The following C4orf36 variants were observed in gnomAD, a reference collection of about 807,000 sequenced individuals.
C4orf36 encodes uncharacterized protein C4orf36.
C4orf36 carries 11 observed loss-of-function variants against 12.2 expected under a neutral mutation model. The observed-to-expected ratio is 0.90, with a 90% CI of 0.57 to 1.49. The LOEUF is 1.49. C4orf36 is among the 40% of genes most tolerant of loss of function. The probability of loss-of-function intolerance (pLI) is 0.00; values close to 1 mark genes in which losing one functional copy is unlikely to be tolerated. For synonymous variants in C4orf36, 54 were observed against 51.3 expected, an observed-to-expected ratio of 1.05 and a Z score of -0.22; for missense variants, 137 against 133.9, an observed-to-expected ratio of 1.02 and a Z score of -0.11.
intron 4 of C4orf36, among the ~76,000 whole-genome samples, chr4:86,883,755 C>T (rs151185659): frequency 9.7e-4 from 148 of 152,210 alleles, no homozygotes; most frequent in African/African-American, 1.4e-3. Flanking sequence ...CAGCCAGGCG[C>T]GGTGGCTCAC....
At chr4:86,929,744 T>C in the C4orf36 span, among the ~76,000 whole-genome samples, 2 of 152,154 alleles carry the variant, frequency 1.3e-5, no homozygotes, top group Non-Finnish European at 2.9e-5. Context: ...ACAGTAGCTA[T>C]TTAATACAAG....
chr4:86,892,717 G>C (rs908880176), upstream of C4orf36, among the ~76,000 whole-genome samples: 7 of 152,240 alleles, frequency 4.6e-5, no homozygotes, highest in African/African-American at 1.7e-4. Flanking sequence ...GACATCTGGG[G>C]AACCGAAGCC....
the C4orf36 span, among the ~76,000 whole-genome samples, chr4:86,908,984 C>T: frequency 6.6e-6 from 1 of 152,188 alleles, no homozygotes; most frequent in East Asian, 1.9e-4. Flanking sequence ...GAGCAGACAG[C>T]AAGGACATAT....
chr4:86,892,431 T>C (rs2149425014), upstream of C4orf36: 1 of 985,304 alleles, frequency 1.0e-6, no homozygotes. Context: ...CTGGGGCTCC[T>C]CGCGTCACAC....
the C4orf36 span, among the ~76,000 whole-genome samples, chr4:86,903,724 A>G: frequency 6.6e-6 from 1 of 152,180 alleles, no homozygotes; most frequent in African/African-American, 2.4e-5. Context: ...GACCCTACCC[A>G]CATCCTGCTG....
chr4:86,917,554 GA>G, the C4orf36 span, among the ~76,000 whole-genome samples: 3 of 109,666 alleles, frequency 2.7e-5, no homozygotes, highest in African/African-American at 8.0e-5. Flanking sequence ...AGTAAGGAAG[GA>G]AGAGAGAGTG....
the C4orf36 span, chr4:86,913,254 TC>T: frequency 1.7e-6 from 1 of 584,350 alleles, no homozygotes; most frequent in Non-Finnish European, 3.2e-6. Context: ...TCACTCAGCT[TC>T]ACATCCAGAG....
intron 4 of C4orf36, among the ~76,000 whole-genome samples, chr4:86,883,290 A>G (rs1747091600): frequency 6.6e-6 from 1 of 152,356 alleles, no homozygotes; most frequent in South Asian, 2.1e-4. Flanking sequence ...AGAAATGATC[A>G]GGATTTGCCA....
At chr4:86,882,681 G>T (rs1156250723) in intron 4 of C4orf36, among the ~76,000 whole-genome samples, 1 of 152,184 alleles carries the variant, frequency 6.6e-6, no homozygotes, top group East Asian at 1.9e-4. Context: ...AACTGTGTCT[G>T]TGCCCTGTAG....
intron 2 of C4orf36, among the ~76,000 whole-genome samples, chr4:86,889,819 C>A (rs561885788): frequency 2.0e-5 from 3 of 152,052 alleles, no homozygotes; most frequent in East Asian, 3.9e-4. Context: ...AAAGAGGCTG[C>A]GGCAGGAGGA....
At chr4:86,927,810 A>T in the C4orf36 span, among the ~76,000 whole-genome samples, 1 of 152,184 alleles carries the variant, frequency 6.6e-6, no homozygotes, top group African/African-American at 2.4e-5. Flanking sequence ...AAAAAAAAAA[A>T]AAAATTCTGG....
the C4orf36 span, among the ~76,000 whole-genome samples, chr4:86,904,202 A>G: frequency 6.6e-6 from 1 of 152,126 alleles, no homozygotes; most frequent in Admixed American, 6.5e-5. Context: ...CGCCGCGCCC[A>G]GTGCGGGGCC....
the C4orf36 span, among the ~76,000 whole-genome samples, chr4:86,899,707 T>C: frequency 1.7e-4 from 26 of 152,302 alleles, no homozygotes; most frequent in African/African-American, 5.8e-4. Context: ...GGTGCCTGCC[T>C]GTAGTCCCAG....
chr4:86,902,684 C>A, the C4orf36 span, among the ~76,000 whole-genome samples: 1 of 152,250 alleles, frequency 6.6e-6, no homozygotes, highest in South Asian at 2.1e-4. Context: ...ACTTGCCCAC[C>A]TCCGTCAAGG....
the C4orf36 span, among the ~76,000 whole-genome samples, chr4:86,921,022 G>A: frequency 2.6e-5 from 4 of 151,870 alleles, no homozygotes; most frequent in African/African-American, 9.7e-5. Context: ...AAAATTAACC[G>A]GGCATGGTGG....
At chr4:86,926,407 C>T in the C4orf36 span, 1 of 152,210 alleles carries the variant, frequency 6.6e-6, no homozygotes, top group Non-Finnish European at 1.5e-5. Context: ...AGAACCACAA[C>T]CAATTGTAAA....
the C4orf36 span, chr4:86,913,421 G>A: frequency 2.7e-5 from 20 of 741,268 alleles, no homozygotes; most frequent in Non-Finnish European, 3.7e-5. Context: ...ACCGTGTTGC[G>A]GTCCTCAGTC....
the C4orf36 span, among the ~76,000 whole-genome samples, chr4:86,933,857 T>C: frequency 6.6e-6 from 1 of 152,190 alleles, no homozygotes. Flanking sequence ...TTTAGCTGTC[T>C]AGGTAAACCA....
the C4orf36 span, among the ~76,000 whole-genome samples, chr4:86,929,749 T>C: frequency 1.3e-5 from 2 of 152,102 alleles, no homozygotes; most frequent in Non-Finnish European, 2.9e-5. Flanking sequence ...AGCTATTTAA[T>C]ACAAGAATAA....
Sources: gnomAD v4.1 joint callset for allele counts (sites outside exome capture counted in the v4.1 genomes callset) on GRCh38, gnomAD v4.1.1 for gene constraint, MANE v1.5 for transcripts, NCBI Gene and HGNC (gene_info 2026-07-23, HGNC 2026-07-21) for gene names.